The following ZSCAN25 variants were observed in gnomAD, a reference collection of about 807,000 sequenced individuals.
The protein encoded by ZSCAN25 is zinc finger and SCAN domain-containing protein 25.
ZSCAN25 carries 27 observed loss-of-function variants against 38.7 expected under a neutral mutation model. The observed-to-expected ratio is 0.70, with a 90% CI of 0.51 to 0.96. The LOEUF is 0.96. Ranked by LOEUF, ZSCAN25 falls within the 40% of genes least tolerant of loss-of-function variation. The pLI is 0.00. For synonymous variants in ZSCAN25, 273 were observed against 277.7 expected (o/e 0.98, Z 0.17); for missense variants, 637 against 705.9 (o/e 0.90, Z 1.11).
chr7:99,724,888 C>G, the ZSCAN25 span, among the ~76,000 whole-genome samples: 4 of 152,056 alleles, frequency 2.6e-5, no homozygotes, highest in African/African-American at 9.7e-5. Flanking sequence ...CCTGGAGTGA[C>G]TGAAATGTCA....
Position 99,629,776 on chromosome 7 carries a change from G to T in ZSCAN25, c.1391G>T (p.Gly464Val), listed in dbSNP as rs949457885. The T allele has an allele frequency of 6.2e-7, 1 of 1,614,138 alleles. No individual in the cohort carries two copies. Among genetic ancestry groups the T allele is most frequent in the Non-Finnish European group, 8.5e-7 (1 of 1,180,048 alleles). Residue 464 changes from glycine (G) to valine (V), a missense_variant, in exon 8 of 8, where the codon GGC becomes GTC. Physicochemically the swap from Gly to Val is moderately radical, Grantham distance 109. Transcript: ENST00000394152. This position sits in a 1 kb window ranked among gnomAD's most constrained non-coding sequence, Gnocchi z 5.6. ...TGEKPYTCECGKSFSRNANLA... is the reference protein window; with the variant it reads ...TGEKPYTCECVKSFSRNANLA... ...GAGAAGCCCTACACCTGCGAGTGTG[G>T]CAAGAGCTTCAGCAGGAATGCCAAT...
the ZSCAN25 span, among the ~76,000 whole-genome samples, chr7:99,655,075 T>C: frequency 8.5e-5 from 13 of 152,236 alleles, no homozygotes; most frequent in African/African-American, 2.9e-4. Flanking sequence ...AGAAGCTCTT[T>C]AGTTTCATTA....
At chr7:99,628,198 T>G (rs1017689802) in intron 7 of ZSCAN25, among the ~76,000 whole-genome samples, 24 of 152,218 alleles carry the variant, frequency 1.6e-4, no homozygotes, top group Admixed American at 9.8e-4. Context: ...ACACTTTTAT[T>G]TTCATGAAAA....
At chr7:99,636,275 A>G (rs1458497246), downstream of ZSCAN25, among the ~76,000 whole-genome samples, 1 of 152,146 alleles carries the variant, frequency 6.6e-6, no homozygotes, top group Non-Finnish European at 1.5e-5. Context: ...AGATGTGTTT[A>G]TTAGCCTTAT....
chr7:99,689,883 T>C, the ZSCAN25 span, among the ~76,000 whole-genome samples: 2 of 152,174 alleles, frequency 1.3e-5, no homozygotes, highest in Non-Finnish European at 2.9e-5. Flanking sequence ...CCCAAGGTAA[T>C]TTATAGATTC....
the ZSCAN25 span, among the ~76,000 whole-genome samples, chr7:99,733,773 T>C: frequency 2.0e-5 from 3 of 152,242 alleles, no homozygotes; most frequent in African/African-American, 7.2e-5. Flanking sequence ...TGATCCTACC[T>C]GGATGCTTTT....
At chr7:99,679,366 A>G in the ZSCAN25 span, among the ~76,000 whole-genome samples, 2 of 152,146 alleles carry the variant, frequency 1.3e-5, no homozygotes, top group African/African-American at 2.4e-5. Flanking sequence ...CTACAGGGGC[A>G]ATACAGCTAC....
At chr7:99,715,646 CA>C in the ZSCAN25 span, 2 of 1,561,842 alleles carry the variant, frequency 1.3e-6, no homozygotes, top group Non-Finnish European at 1.8e-6. Context: ...AAATGTACTA[CA>C]AACCATTAAA....
intron 7 of ZSCAN25, among the ~76,000 whole-genome samples, chr7:99,624,811 C>CA (rs1299306300): frequency 6.6e-6 from 1 of 152,162 alleles, no homozygotes; most frequent in African/African-American, 2.4e-5. Context: ...AGAGAGCCCA[C>CA]AGGGGCTGCC....
intron 7 of ZSCAN25, 53 bp downstream of exon 7, chr7:99,624,233 G>A: frequency 6.2e-7 from 1 of 1,610,152 alleles, no homozygotes; most frequent in South Asian, 1.1e-5. Flanking sequence ...GAAAGCTCAG[G>A]TCAGGGGTCC....
chr7:99,646,336 ATTAAG>A, the ZSCAN25 span, among the ~76,000 whole-genome samples: 2 of 152,000 alleles, frequency 1.3e-5, no homozygotes, highest in Admixed American at 1.3e-4. Flanking sequence ...CACTTCTTTG[ATTAAG>A]TTAATTCCTA....
chr7:99,660,420 A>T, the ZSCAN25 span: 1 of 1,496,488 alleles, frequency 6.7e-7, no homozygotes, highest in Non-Finnish European at 8.9e-7. Context: ...TTTTATAAAA[A>T]TTCTCCTGGG....
At chr7:99,705,529 A>C in the ZSCAN25 span, 1 of 1,613,508 alleles carries the variant, frequency 6.2e-7, no homozygotes, top group Non-Finnish European at 8.5e-7. Context: ...TCATCCCTTG[A>C]CTCAGCCTTT....
At chr7:99,638,733 G>T in the ZSCAN25 span, 3 of 1,247,378 alleles carry the variant, frequency 2.4e-6, no homozygotes, top group Admixed American at 3.4e-5. Context: ...ACATTTCCTT[G>T]TTCCCGAAGA....
At chr7:99,701,787 T>A in the ZSCAN25 span, among the ~76,000 whole-genome samples, 1 of 152,366 alleles carries the variant, frequency 6.6e-6, no homozygotes, top group South Asian at 2.1e-4. Flanking sequence ...TTTTTGATTA[T>A]TAGGATTATT....
the ZSCAN25 span, among the ~76,000 whole-genome samples, chr7:99,688,774 A>T: frequency 6.6e-6 from 1 of 152,098 alleles, no homozygotes; most frequent in African/African-American, 2.4e-5. Context: ...GAAGTAAAGC[A>T]CTCCTCAGCA....
chr7:99,617,770 G>T (rs536383603), intron 1 of ZSCAN25, among the ~76,000 whole-genome samples: 2 of 152,164 alleles, frequency 1.3e-5, no homozygotes, highest in Non-Finnish European at 2.9e-5. Flanking sequence ...CACAATGGGT[G>T]GGGGGAGATA....
Position 99,619,673 on chromosome 7 carries a change from C to T in ZSCAN25, c.67C>T (p.Leu23=). 2.5e-6 allele frequency: 4 copies of T among 1,614,238 alleles called. No individual in the cohort carries two copies. Among genetic ancestry groups the T allele is most frequent in the African/African-American group, 1.3e-5 (1 of 75,066 alleles). The stretch of plus-strand genomic sequence containing the variant: ...GCAGTTGGGTATTCCTGTGGTGAAA[C>T]TGGAGAAAGAGTTGCCATGGGGCAG... The part of the protein sequence containing the change: ...QQQLGIPVVK[L]EKELPWGRGR... Residue 23 remains leucine, a synonymous_variant, in exon 4 of 8, where the codon CTG becomes TTG. Coordinates refer to ENST00000394152, the MANE Select transcript of ZSCAN25 (RefSeq NM_145115.3).
chr7:99,699,396 G>A, the ZSCAN25 span, among the ~76,000 whole-genome samples: 111,594 of 150,338 alleles, frequency 0.74, 44,820 homozygotes, highest in Non-Finnish European at 0.91. Context: ...GGGAAGAGCC[G>A]GGGGACAGCT....
Sources: allele counts gnomAD v4.1 joint callset (sites outside exome capture counted in the v4.1 genomes callset), GRCh38; gene constraint gnomAD v4.1.1; non-coding constraint Gnocchi (gnomAD v3.1); transcripts MANE v1.5; gene names NCBI Gene and HGNC (gene_info 2026-07-23, HGNC 2026-07-21).